KCNH5: variants seen among roughly 807,000 people sequenced by gnomAD.
The protein encoded by KCNH5 is potassium voltage-gated channel subfamily H member 5.
A neutral mutation model predicts 96.1 loss-of-function variants in KCNH5; 46 were observed. That is an observed-to-expected ratio of 0.48 (90% CI 0.38 to 0.61). KCNH5 has a LOEUF of 0.61. Among genes scored for constraint, KCNH5 ranks in the 20% least tolerant of loss-of-function variants. KCNH5 has a pLI of 0.00. For synonymous variants in KCNH5, 439 were observed against 449.8 expected (o/e 0.98, Z 0.30); for missense variants, 907 against 1,225.8 (o/e 0.74, Z 3.88).
rs570502325 is a variant in KCNH5, at chr14:62,783,784, G to A, written c.1823-3860C>T. On this transcript the variant is annotated intron_variant, in intron 9 of 10. Transcript: ENST00000322893. ...TGTCCAAAGAATTAAAACAGCTTTT[G>A]AGGTAACATGCAAAAAATTCCTAAC... 2.2e-4 allele frequency among the ~76,000 whole-genome samples: 34 copies of A among 152,048 alleles called. 1 individual carries two copies. The highest frequency in any genetic ancestry group is 8.0e-4 in the African/African-American group (33 of 41,498).
chr14:63,002,259 T>C (rs1184660944), intron 3 of KCNH5, among the ~76,000 whole-genome samples: 1 of 152,166 alleles, frequency 6.6e-6, no homozygotes, highest in African/African-American at 2.4e-5. Context: ...ACAGAGGGTA[T>C]CAAAGTATTC....
chr14:62,879,822 A>G (rs1888456943), intron 7 of KCNH5, among the ~76,000 whole-genome samples: 1 of 152,082 alleles, frequency 6.6e-6, no homozygotes, highest in African/African-American at 2.4e-5. Flanking sequence ...TTCAGAGTCT[A>G]TTTTTATAGT....
intron 10 of KCNH5, among the ~76,000 whole-genome samples, chr14:62,761,758 G>A (rs544723985): frequency 6.6e-6 from 1 of 152,132 alleles, no homozygotes; most frequent in Non-Finnish European, 1.5e-5. Context: ...TGTGGTATAG[G>A]AAGAGCCAAA....
Position 62,802,337 on chromosome 14 carries a change from G to A in KCNH5, c.1814C>T (p.Ala605Val), listed in dbSNP as rs1323537491. ...LEVIQDDEVV[A>V]ILGKGDVFGD... The stretch of plus-strand genomic sequence containing the variant: ...AGGAAAGTTCACAGTACCTAAAATA[G>A]CCACCACCTCATCATCCTGGATGAC... Residue 605 changes from alanine to valine, a missense_variant, in exon 9 of 11, where the codon GCT becomes GTT. This residue lies in a region of KCNH5 where 20 missense variants were observed against 57.9 expected (regional missense o/e 0.35). Coordinates refer to ENST00000322893, the MANE Select transcript of KCNH5 (RefSeq NM_139318.5). 1 of 1,613,780 alleles carries A rather than the reference G, an allele frequency of 6.2e-7. No homozygotes were observed. Among genetic ancestry groups the A allele is most frequent in the Non-Finnish European group, 8.5e-7 (1 of 1,179,864 alleles).
intron 6 of KCNH5, among the ~76,000 whole-genome samples, chr14:62,951,958 G>A (rs1179121287): frequency 1.9e-4 from 12 of 62,876 alleles, no homozygotes; most frequent in Non-Finnish European, 3.1e-4. Context: ...GCGAGACTCC[G>A]TCTCAAAAAA....
chr14:62,844,691 T>C (rs745399355), intron 8 of KCNH5, among the ~76,000 whole-genome samples: 2 of 152,226 alleles, frequency 1.3e-5, no homozygotes, highest in Non-Finnish European at 2.9e-5. Flanking sequence ...AACTAGGCAC[T>C]GTTCTATATT....
At chr14:63,029,708 G>A (rs1241518232) in intron 1 of KCNH5, among the ~76,000 whole-genome samples, 1 of 152,002 alleles carries the variant, frequency 6.6e-6, no homozygotes, top group Middle Eastern at 3.2e-3. Context: ...GGCTAAATTA[G>A]ATAGAAATTG....
At chr14:62,719,978 G>A (rs560587164) in intron 10 of KCNH5, among the ~76,000 whole-genome samples, 84 of 152,294 alleles carry the variant, frequency 5.5e-4, no homozygotes, top group Admixed American at 3.5e-3. Flanking sequence ...TGTAAACAAA[G>A]CAAAAATCCT....
intron 7 of KCNH5, among the ~76,000 whole-genome samples, chr14:62,908,507 G>A (rs1661204276): frequency 6.6e-6 from 1 of 152,102 alleles, no homozygotes; most frequent in Non-Finnish European, 1.5e-5. Context: ...CTTAGAGGAA[G>A]AATCCTCAGT....
chr14:62,917,370 T>G (rs930529112), intron 7 of KCNH5, among the ~76,000 whole-genome samples: 1 of 146,620 alleles, frequency 6.8e-6, no homozygotes, highest in Non-Finnish European at 1.5e-5. Context: ...TTTTTTTTTT[T>G]GCTTTATCTC....
intron 7 of KCNH5, among the ~76,000 whole-genome samples, chr14:62,865,376 G>C (rs937219683): frequency 6.6e-6 from 1 of 150,836 alleles, no homozygotes; most frequent in Non-Finnish European, 1.5e-5. Flanking sequence ...TTTTAGACAA[G>C]TTGGACTGGA....
intron 10 of KCNH5, among the ~76,000 whole-genome samples, chr14:62,769,390 T>C (rs1885937290): frequency 1.3e-5 from 2 of 152,242 alleles, no homozygotes; most frequent in African/African-American, 4.8e-5. Flanking sequence ...GATTCAAATG[T>C]GGCATGCAGG....
intron 7 of KCNH5, among the ~76,000 whole-genome samples, chr14:62,860,157 G>A (rs1258319909): frequency 6.6e-6 from 1 of 152,136 alleles, no homozygotes; most frequent in Non-Finnish European, 1.5e-5. Flanking sequence ...TTCCACCAAA[G>A]CCCAGTAACA....
intron 1 of KCNH5, among the ~76,000 whole-genome samples, chr14:63,018,827 A>AAT (rs1476736956): frequency 6.6e-6 from 1 of 152,108 alleles, no homozygotes; most frequent in Non-Finnish European, 1.5e-5. Context: ...ATCAAAAATT[A>AAT]TTAGACAGGC....
intron 6 of KCNH5, among the ~76,000 whole-genome samples, chr14:62,965,827 A>T (rs541654519): frequency 6.6e-6 from 1 of 152,252 alleles, no homozygotes; most frequent in South Asian, 2.1e-4. Flanking sequence ...CTTTGCCATC[A>T]TAGGTAAGAT....
chr14:62,854,657 T>C (rs534778989), intron 7 of KCNH5, among the ~76,000 whole-genome samples: 1 of 151,990 alleles, frequency 6.6e-6, no homozygotes, highest in Non-Finnish European at 1.5e-5. Context: ...ATTAGGTTAA[T>C]TTGTGACAAT....
chr14:62,746,820 G>A (rs1267535349), intron 10 of KCNH5, among the ~76,000 whole-genome samples: 1 of 152,216 alleles, frequency 6.6e-6, no homozygotes, highest in Non-Finnish European at 1.5e-5. Flanking sequence ...CTGACTAGTG[G>A]AATGAGCTTG....
At chr14:62,732,766 G>T (rs1466588104) in intron 10 of KCNH5, among the ~76,000 whole-genome samples, 1 of 152,092 alleles carries the variant, frequency 6.6e-6, no homozygotes, top group African/African-American at 2.4e-5. Context: ...GAAGACCAGG[G>T]TCTTTATTAT....
chr14:62,859,871 A>C (rs1887999582), intron 7 of KCNH5, among the ~76,000 whole-genome samples: 1 of 152,184 alleles, frequency 6.6e-6, no homozygotes, highest in Non-Finnish European at 1.5e-5. Context: ...TAAACTGATC[A>C]TAGGGAACTC....
Sources: allele counts gnomAD v4.1 joint callset (sites outside exome capture counted in the v4.1 genomes callset), GRCh38; gene constraint gnomAD v4.1.1; regional missense constraint gnomAD v4.1.1; transcripts MANE v1.5; gene names NCBI Gene and HGNC (gene_info 2026-07-23, HGNC 2026-07-21).